Variants in ZEB1 observed in about 807,000 individuals in gnomAD.
The protein encoded by ZEB1 is zinc finger E-box-binding homeobox 1.
Under a neutral mutation model 84.9 loss-of-function variants are expected in ZEB1, and 21 were observed. The ratio of observed to expected loss-of-function variants is 0.25; its 90% confidence interval spans 0.18 to 0.36. The LOEUF (loss-of-function observed/expected upper bound fraction) is 0.36, where lower values mean the gene tolerates loss of function less well. ZEB1 is among the 10% of genes least tolerant of loss of function. ZEB1 has a pLI of 1.00. For synonymous variants in ZEB1, 420 were observed against 471.1 expected, an observed-to-expected ratio of 0.89 and a Z score of 1.41; for missense variants, 1,104 against 1,330.2, an observed-to-expected ratio of 0.83 and a Z score of 2.65.
At chr10:31,469,407 A>G (rs940164169) in intron 2 of ZEB1, among the ~76,000 whole-genome samples, 1 of 152,204 alleles carries the variant, frequency 6.6e-6, no homozygotes, top group East Asian at 1.9e-4. Context: ...CGGGAAGCGC[A>G]AGGGGTCAGG....
At chr10:31,400,587 A>C (rs2051786236) in intron 1 of ZEB1, among the ~76,000 whole-genome samples, 1 of 152,140 alleles carries the variant, frequency 6.6e-6, no homozygotes, top group Non-Finnish European at 1.5e-5. Context: ...TTTTAAAAGA[A>C]TCTTTTATCA....
At chr10:31,351,204 G>A (rs1485099905) in intron 1 of ZEB1, among the ~76,000 whole-genome samples, 1 of 152,138 alleles carries the variant, frequency 6.6e-6, no homozygotes, top group Non-Finnish European at 1.5e-5. Flanking sequence ...AAGAAATATA[G>A]TAGTTGTAAA....
At chr10:31,490,291 C>A (rs549843512) in intron 2 of ZEB1, among the ~76,000 whole-genome samples, 3 of 151,526 alleles carry the variant, frequency 2.0e-5, no homozygotes, top group South Asian at 4.2e-4. Flanking sequence ...CACTACAGCT[C>A]TTTTCCTTCT....
intron 2 of ZEB1, among the ~76,000 whole-genome samples, chr10:31,482,948 A>G (rs1282670250): frequency 1.3e-5 from 2 of 152,110 alleles, no homozygotes; most frequent in East Asian, 3.9e-4. Context: ...AGTTTTTTGT[A>G]CTTTTCCTGA....
intron 2 of ZEB1, among the ~76,000 whole-genome samples, chr10:31,468,533 A>C (rs2062730400): frequency 6.6e-6 from 1 of 152,182 alleles, no homozygotes; most frequent in South Asian, 2.1e-4. Flanking sequence ...GGAATGAGGT[A>C]AGTTTCCCCC....
chr10:31,350,344 A>G (rs1053362205), intron 1 of ZEB1, among the ~76,000 whole-genome samples: 1 of 152,192 alleles, frequency 6.6e-6, no homozygotes, highest in African/African-American at 2.4e-5. Context: ...TTGGGCACAG[A>G]TTGGACCTGA....
intron 1 of ZEB1, among the ~76,000 whole-genome samples, chr10:31,422,258 T>G (rs1445740592): frequency 6.6e-6 from 1 of 152,150 alleles, no homozygotes; most frequent in Admixed American, 6.6e-5. Context: ...CAGAGGATCT[T>G]AATTATAGTT....
At chr10:31,489,397 GA>G (rs1286880097) in intron 2 of ZEB1, among the ~76,000 whole-genome samples, 2 of 151,048 alleles carry the variant, frequency 1.3e-5, no homozygotes, top group Non-Finnish European at 3.0e-5. Flanking sequence ...TATTAATGGG[GA>G]TTTTTTTTAT....
intron 1 of ZEB1, among the ~76,000 whole-genome samples, chr10:31,447,006 C>T (rs1176160115): frequency 6.6e-6 from 1 of 150,944 alleles, no homozygotes; most frequent in Non-Finnish European, 1.5e-5. Flanking sequence ...CTAATGTTGA[C>T]AGTGGGGTGT....
At chr10:31,415,141 G>A (rs1032814633) in intron 1 of ZEB1, among the ~76,000 whole-genome samples, 5 of 152,154 alleles carry the variant, frequency 3.3e-5, no homozygotes, top group African/African-American at 1.2e-4. Context: ...ATGGTAGAAT[G>A]CCATGCCTTT....
intron 2 of ZEB1, among the ~76,000 whole-genome samples, chr10:31,478,268 A>G (rs2138336637): frequency 6.6e-6 from 1 of 152,114 alleles, no homozygotes; most frequent in African/African-American, 2.4e-5. Context: ...AATATCACTA[A>G]TCATCAGAGA....
rs747363059 is a variant in ZEB1 at position 31,526,985 on chromosome 10, G to C, written c.3099G>C (p.Glu1033Asp). ...AGAGAGAGAGTTTGACAAGGGAAGAGGATGAAGACAGTGAAAAAGAGGAAG... is the reference window on the plus strand; with the variant it reads ...AGAGAGAGAGTTTGACAAGGGAAGACGATGAAGACAGTGAAAAAGAGGAAG... ...SDERESLTRE[E>D]DEDSEKEEEE... Residue 1033 changes from glutamate (E) to aspartate (D), a missense_variant, in exon 9 of 9, where the codon GAG becomes GAC. This residue lies in a region of ZEB1 where 173 missense variants were observed against 167.0 expected (regional missense o/e 1.04). Transcript: ENST00000424869. The C allele has an allele frequency of 3.1e-5, 50 of 1,611,816 alleles. No homozygotes were observed. The highest frequency in any genetic ancestry group is 4.2e-5 in the Non-Finnish European group (49 of 1,178,920).
chr10:31,394,934 A>G (rs2050420787), intron 1 of ZEB1, among the ~76,000 whole-genome samples: 1 of 151,098 alleles, frequency 6.6e-6, no homozygotes, highest in African/African-American at 2.5e-5. Flanking sequence ...TAATTGGATG[A>G]GGGGATGAAG....
intron 1 of ZEB1, among the ~76,000 whole-genome samples, chr10:31,336,738 C>T (rs2038163826): frequency 6.6e-6 from 1 of 152,104 alleles, no homozygotes; most frequent in Non-Finnish European, 1.5e-5. Context: ...TATTCAACCT[C>T]ATTAGGAATC....
At chr10:31,357,217 C>A (rs2042260563) in intron 1 of ZEB1, among the ~76,000 whole-genome samples, 1 of 152,160 alleles carries the variant, frequency 6.6e-6, no homozygotes, top group African/African-American at 2.4e-5. Context: ...AAAAGAAATT[C>A]ACTGTCCTGA....
At chr10:31,474,293 A>AT (rs2063734730) in intron 2 of ZEB1, among the ~76,000 whole-genome samples, 1 of 151,656 alleles carries the variant, frequency 6.6e-6, no homozygotes, top group Admixed American at 6.6e-5. Context: ...ATGGGAGAAA[A>AT]TTTTTGCAAC....
intron 1 of ZEB1, among the ~76,000 whole-genome samples, chr10:31,386,203 T>C (rs1177238158): frequency 2.0e-5 from 3 of 151,862 alleles, no homozygotes; most frequent in Non-Finnish European, 2.9e-5. Flanking sequence ...TATTTAATAA[T>C]ATATTTTAAA....
intron 4 of ZEB1, among the ~76,000 whole-genome samples, chr10:31,506,685 C>G (rs2069035576): frequency 6.6e-6 from 1 of 152,040 alleles, no homozygotes; most frequent in Non-Finnish European, 1.5e-5. Context: ...CTAGGCAGCA[C>G]ATAGCTGGGT....
At chr10:31,402,615 T>C (rs1405875751) in intron 1 of ZEB1, among the ~76,000 whole-genome samples, 1 of 152,160 alleles carries the variant, frequency 6.6e-6, no homozygotes, top group African/African-American at 2.4e-5. Flanking sequence ...CTGAAGTTTC[T>C]TCCAGCTTTG....
Sources: gnomAD v4.1 joint callset for allele counts (sites outside exome capture counted in the v4.1 genomes callset) on GRCh38, gnomAD v4.1.1 for gene constraint, gnomAD v4.1.1 regional missense constraint, MANE v1.5 for transcripts, NCBI Gene and HGNC (gene_info 2026-07-23, HGNC 2026-07-21) for gene names.